The following TSNARE1 variants were observed in gnomAD, a reference collection of about 807,000 sequenced individuals.
TSNARE1 encodes the protein t-SNARE domain-containing protein 1.
TSNARE1 carries 49 observed loss-of-function variants against 62.0 expected under a neutral mutation model. The ratio of observed to expected loss-of-function variants is 0.79; its 90% CI spans 0.63 to 1.00. The LOEUF (loss-of-function observed/expected upper bound fraction) is 1.00. TSNARE1 is among the 50% of genes least tolerant of loss of function. The pLI is 0.00. For missense variants in TSNARE1, 755 were observed against 700.1 expected (o/e 1.08, Z -0.88); for synonymous variants, 328 against 294.4 (o/e 1.11, Z -1.17).
chr8:142,317,952 C>T (rs1017422378), intron 7 of TSNARE1, among the ~76,000 whole-genome samples: 17 of 152,130 alleles, frequency 1.1e-4, no homozygotes, highest in South Asian at 6.2e-4. Flanking sequence ...AGCAAGACTC[C>T]GTCTCAAAAA....
At chr8:142,216,567 C>T (rs776538584) in intron 13 of TSNARE1, among the ~76,000 whole-genome samples, 9 of 152,138 alleles carry the variant, frequency 5.9e-5, no homozygotes, top group Non-Finnish European at 1.2e-4. Flanking sequence ...CAGCATAGCA[C>T]CCCCTGTCCC....
intron 1 of TSNARE1, among the ~76,000 whole-genome samples, chr8:142,381,733 G>T (rs928840126): frequency 3.3e-5 from 5 of 152,174 alleles, no homozygotes; most frequent in Admixed American, 3.3e-4. Context: ...GCCCCAGGCT[G>T]TAAGCAAGTC....
intron 13 of TSNARE1, 136 bp from the exon 14 acceptor site, chr8:142,212,449 G>C (rs1466611428): frequency 6.6e-6 from 1 of 152,214 alleles, no homozygotes; most frequent in Non-Finnish European, 1.5e-5. Flanking sequence ...AGGGCCCTGA[G>C]AGGGGAGTGG....
At chr8:142,263,914 CAAGTTA>C (rs1307066803) in intron 12 of TSNARE1, among the ~76,000 whole-genome samples, 4 of 152,190 alleles carry the variant, frequency 2.6e-5, no homozygotes, top group Admixed American at 6.5e-5. Flanking sequence ...AAAATTTTAA[CAAGTTA>C]AAGTTAAAGT....
intron 13 of TSNARE1, among the ~76,000 whole-genome samples, chr8:142,215,448 C>T (rs1188346150): frequency 6.6e-6 from 1 of 152,114 alleles, no homozygotes; most frequent in Non-Finnish European, 1.5e-5. Flanking sequence ...CCAGAACTGC[C>T]CCTCCCATCC....
intron 1 of TSNARE1, among the ~76,000 whole-genome samples, chr8:142,376,359 T>C (rs901110442): frequency 2.4e-4 from 36 of 152,160 alleles, no homozygotes; most frequent in Non-Finnish European, 3.4e-4. Flanking sequence ...AGTTCCCACT[T>C]TGAAATCCTG....
chr8:142,324,541 T>C (rs1000696179), intron 6 of TSNARE1, among the ~76,000 whole-genome samples: 1 of 152,202 alleles, frequency 6.6e-6, no homozygotes, highest in Non-Finnish European at 1.5e-5. Context: ...GTACGGAGGC[T>C]CTCGCATTTG....
chr8:142,358,392 G>A (rs2130827719), intron 1 of TSNARE1, among the ~76,000 whole-genome samples: 1 of 152,298 alleles, frequency 6.6e-6, no homozygotes, highest in East Asian at 1.9e-4. Context: ...ACGCTCATGG[G>A]AGGAGGGAAG....
intron 6 of TSNARE1, among the ~76,000 whole-genome samples, chr8:142,323,841 C>A (rs544467462): frequency 6.6e-6 from 1 of 152,340 alleles, no homozygotes; most frequent in South Asian, 2.1e-4. Context: ...ATCCTCACGG[C>A]CACCGAGGGA....
intron 12 of TSNARE1, chr8:142,271,736 C>A (rs905947476): frequency 7.7e-6 from 10 of 1,303,102 alleles, no homozygotes; most frequent in Non-Finnish European, 8.9e-6. Flanking sequence ...CACCCAAAAC[C>A]CAGTGATCTG....
intron 4 of TSNARE1, among the ~76,000 whole-genome samples, chr8:142,337,261 G>C (rs1441229056): frequency 6.6e-6 from 1 of 152,156 alleles, no homozygotes; most frequent in Non-Finnish European, 1.5e-5. Context: ...AATTGATCTT[G>C]ATCTTAATTA....
intron 11 of TSNARE1, 175 bp from the exon 12 acceptor site, chr8:142,275,038 C>T (rs888344696): frequency 2.0e-6 from 2 of 985,282 alleles, no homozygotes; most frequent in Admixed American, 1.2e-4. Flanking sequence ...GTGGTGTGGG[C>T]AGTGGGCAGC....
chr8:142,248,120 G>A (rs555705365), intron 12 of TSNARE1, among the ~76,000 whole-genome samples: 9 of 152,252 alleles, frequency 5.9e-5, no homozygotes, highest in East Asian at 1.9e-4. Flanking sequence ...AAGGCTTCAC[G>A]CAGCATCCTC....
In TSNARE1 at chr8:142,345,889, C is replaced by T. The variant is rs1246878196; in HGVS notation, c.92G>A (p.Cys31Tyr). 1.2e-6 allele frequency: 2 copies of T among 1,613,234 alleles called. No individual in the cohort carries two copies. Among genetic ancestry groups the T allele is most frequent in the South Asian group, 1.1e-5 (1 of 90,974 alleles). ...PSRQGCQPLE[C>Y]ARCWTEYGIR... ...TCCATACTCGGTCCAACATCTAGCG[C>T]ACTCTACGGACAGCAAGGGACAGTC... The change falls in exon 3 of 14, where the codon TGC becomes TAC. Residue 31 changes from cysteine (C) to tyrosine (Y), a missense_variant. By Grantham distance (194) the Cys-to-Tyr change is radical (BLOSUM62 -2). Coordinates refer to ENST00000524325, the MANE Select transcript of TSNARE1 (RefSeq NM_145003.5).
At chr8:142,380,776 C>A (rs193155898) in intron 1 of TSNARE1, among the ~76,000 whole-genome samples, 10 of 152,104 alleles carry the variant, frequency 6.6e-5, no homozygotes, top group Non-Finnish European at 1.0e-4. Context: ...CCACCAGGGA[C>A]GGCCCACGGC....
At chr8:142,309,147 G>A (rs930896523) in intron 9 of TSNARE1, among the ~76,000 whole-genome samples, 7 of 152,078 alleles carry the variant, frequency 4.6e-5, no homozygotes, top group East Asian at 1.9e-4. Context: ...CTGTCCTGCC[G>A]CATTCACTGA....
intron 12 of TSNARE1, among the ~76,000 whole-genome samples, chr8:142,239,185 T>C (rs1817572344): frequency 6.6e-6 from 1 of 151,964 alleles, no homozygotes; most frequent in Non-Finnish European, 1.5e-5. Flanking sequence ...GAAAACTGAG[T>C]TCAAGGTCCC....
At chr8:142,380,844 G>A (rs559289469) in intron 1 of TSNARE1, among the ~76,000 whole-genome samples, 1 of 152,184 alleles carries the variant, frequency 6.6e-6, no homozygotes, top group Non-Finnish European at 1.5e-5. Context: ...CAAGGAACGA[G>A]TACTATCTTA....
Position 142,303,630 on chromosome 8 carries a change from A to G in TSNARE1, c.1132-2986T>C, listed in dbSNP as rs897901151. Among the ~76,000 whole-genome samples, 3 of 152,242 alleles carry G rather than the reference A, an allele frequency of 2.0e-5. No homozygotes were observed. In the East Asian group the frequency reaches 5.8e-4, roughly 30 times the overall value. On this transcript the variant is annotated intron_variant, in intron 9 of 13. Coordinates refer to ENST00000524325, the MANE Select transcript of TSNARE1 (RefSeq NM_145003.5). ...GTGACAACCAAATACAGACAGATGA[A>G]CCCCGGCTGGACACCGAACCAGTGG...
Sources: gnomAD v4.1 joint callset for allele counts (sites outside exome capture counted in the v4.1 genomes callset) on GRCh38, gnomAD v4.1.1 for gene constraint, MANE v1.5 for transcripts, NCBI Gene and HGNC (gene_info 2026-07-23, HGNC 2026-07-21) for gene names.